ZYG11B: variants seen among roughly 807,000 people sequenced by gnomAD.
ZYG11B encodes protein zyg-11 homolog B.
Under a neutral mutation model 82.4 loss-of-function variants are expected in ZYG11B, and 36 were observed. The observed-to-expected ratio is 0.44, with a 90% CI of 0.33 to 0.58. The LOEUF (loss-of-function observed/expected upper bound fraction) is 0.58, where lower values mean the gene tolerates loss of function less well. ZYG11B is among the 20% of genes least tolerant of loss of function. The pLI is 0.02. For missense variants in ZYG11B, 552 were observed against 895.6 expected (o/e 0.62, Z 4.90); for synonymous variants, 303 against 312.8 (o/e 0.97, Z 0.33).
chr1:52,800,900 G>A (rs941331738), intron 8 of ZYG11B, among the ~76,000 whole-genome samples: 7 of 151,948 alleles, frequency 4.6e-5, no homozygotes, highest in Non-Finnish European at 7.4e-5. Context: ...CCTGAATTGT[G>A]TATAGCCACT....
chr1:52,811,792 A>T (rs796191916), intron 10 of ZYG11B, among the ~76,000 whole-genome samples: 13 of 152,114 alleles, frequency 8.5e-5, no homozygotes, highest in African/African-American at 3.1e-4. Context: ...GCACTTTGGG[A>T]GGCCAAGGCG....
intron 10 of ZYG11B, 139 bp downstream of exon 10, chr1:52,802,278 T>TC (rs1171766911): frequency 6.4e-6 from 4 of 624,708 alleles, no homozygotes; most frequent in Admixed American, 3.2e-5. Context: ...TGAGAACTAT[T>TC]CCCAATACCT....
chr1:52,726,765 C>T (rs1380980793), intron 1 of ZYG11B, 82 bp downstream of exon 1: 8 of 1,346,160 alleles, frequency 5.9e-6, no homozygotes, highest in Middle Eastern at 1.9e-4. Context: ...CGGTCTTGCC[C>T]CTCCCTGTCT....
rs1558127938 is a variant in ZYG11B, at chr1:52,771,058, A to C, written c.235A>C (p.Asn79His). ...NDGTVGIFRG[N>H]QMRLKRACIR... The stretch of plus-strand genomic sequence containing the variant: ...TGGAACTGTGGGTATTTTTAGGGGC[A>C]ACCAGATGCGCTTAAAGCGAGCCTG... The change falls in exon 3 of 14, where the codon AAC (asparagine) becomes CAC (histidine). Residue 79 changes from asparagine (N) to histidine (H), a missense_variant. Transcript: ENST00000294353. This position sits in a 1 kb window ranked among gnomAD's most constrained non-coding sequence, Gnocchi z 5.4. The C allele has an allele frequency of 1.2e-6, 2 of 1,613,914 alleles. No individual in the cohort carries two copies. Among genetic ancestry groups the C allele is most frequent in the Non-Finnish European group, 1.7e-6 (2 of 1,179,828 alleles).
chr1:52,753,471 G>A (rs1043610609), intron 1 of ZYG11B, among the ~76,000 whole-genome samples: 21 of 149,856 alleles, frequency 1.4e-4, no homozygotes, highest in East Asian at 3.9e-4. Context: ...CCAGGCTGGC[G>A]TGCAATGGCG....
intron 10 of ZYG11B, among the ~76,000 whole-genome samples, chr1:52,808,691 C>A (rs1378110641): frequency 1.3e-5 from 2 of 152,090 alleles, no homozygotes; most frequent in Non-Finnish European, 2.9e-5. Flanking sequence ...AATTTTGCAG[C>A]CCTTTTCCCC....
intron 5 of ZYG11B, among the ~76,000 whole-genome samples, chr1:52,789,216 G>A (rs1001809201): frequency 4.6e-5 from 7 of 152,120 alleles, no homozygotes; most frequent in Admixed American, 4.6e-4. Flanking sequence ...TTTTATATCT[G>A]TTTTTCTATT....
In ZYG11B at chr1:52,821,724, A is replaced by G; in HGVS notation, c.*95A>G. On this transcript the variant is annotated 3_prime_UTR_variant, in exon 14 of 14. Transcript: ENST00000294353. The stretch of plus-strand genomic sequence containing the variant: ...CCTCCCTGATGTTTTGGGGGTTTCT[A>G]TGACAAGAGTCATAAAATCAGTTTG... The G allele has an allele frequency of 2.5e-6, 3 of 1,191,740 alleles. No individual in the cohort carries two copies. Among genetic ancestry groups the G allele is most frequent in the Non-Finnish European group, 3.5e-6 (3 of 853,326 alleles). The allele number at this position is 1,191,740 out of a possible 1,614,324, so 73.8% of individuals were successfully genotyped here. A position where few individuals can be genotyped will look rare whatever the true frequency, so the allele number is the denominator to read the frequency against.
intron 1 of ZYG11B, among the ~76,000 whole-genome samples, chr1:52,746,714 T>TTTTTTTTTG (rs1644480681): frequency 1.6e-5 from 2 of 128,572 alleles, no homozygotes; most frequent in Admixed American, 8.1e-5. Context: ...TTTTTTTTTT[T>TTTTTTTTTG]GCGGCTGGAA....
intron 8 of ZYG11B, among the ~76,000 whole-genome samples, chr1:52,801,613 A>G (rs140747669): frequency 0.014 from 2,189 of 152,210 alleles, 33 homozygotes; most frequent in African/African-American, 0.05. Flanking sequence ...TATAGATATG[A>G]TCAGAATAAT....
At chr1:52,756,827 T>TG (rs1391486168) in intron 2 of ZYG11B, among the ~76,000 whole-genome samples, 38 of 150,122 alleles carry the variant, frequency 2.5e-4, no homozygotes, top group African/African-American at 8.1e-4. Context: ...TTTTTTTTTT[T>TG]TTTTTTCCTT....
intron 4 of ZYG11B, among the ~76,000 whole-genome samples, chr1:52,783,084 G>A (rs527244922): frequency 6.6e-6 from 1 of 151,874 alleles, no homozygotes; most frequent in East Asian, 1.9e-4. Flanking sequence ...CTGCCACCAC[G>A]CCCAGCTAAT....
rs1645154836 is a variant in ZYG11B, at chr1:52,808,009, T to C, written c.1696-5527T>C. Among the ~76,000 whole-genome samples, 2 of 152,226 alleles carry C rather than the reference T, an allele frequency of 1.3e-5. 1 individual carries two copies. Among genetic ancestry groups the C allele is most frequent in the South Asian group, 4.1e-4 (2 of 4,834 alleles). On this transcript the variant is annotated intron_variant, in intron 10 of 13. Coordinates refer to ENST00000294353, the MANE Select transcript of ZYG11B (RefSeq NM_024646.3). ...CTTCTTTCTAATGAAAAATCTGATG[T>C]CATCATTATCTTTGTACTTATGTAT...
rs560456264 is a variant in ZYG11B, at chr1:52,773,627, A to ATT, written c.951+1885_951+1886dup. Among the ~76,000 whole-genome samples, 19 of 29,232 alleles carry ATT rather than the reference A, an allele frequency of 6.5e-4. 2 individuals are homozygous for ATT. Among genetic ancestry groups the ATT allele is most frequent in the Middle Eastern group, 0.036 (1 of 28 alleles). The allele number at this position is 29,232 out of a possible 152,430, so 19.2% of individuals were successfully genotyped here. A position where few individuals can be genotyped will look rare whatever the true frequency, so the allele number is the denominator to read the frequency against. ...TATATATATATATATATATATATATATTTTTTTTTTTTTTTTTTTTTTTTT... is the reference window on the plus strand; with the variant it reads ...TATATATATATATATATATATATATATTTTTTTTTTTTTTTTTTTTTTTTTTT... On this transcript the variant is annotated intron_variant, in intron 3 of 13. Coordinates refer to ENST00000294353, the MANE Select transcript of ZYG11B (RefSeq NM_024646.3).
intron 1 of ZYG11B, among the ~76,000 whole-genome samples, chr1:52,729,212 A>G (rs1644309956): frequency 6.6e-6 from 1 of 152,162 alleles, no homozygotes; most frequent in Admixed American, 6.6e-5. Context: ...TAAGGGCACT[A>G]ATCCCATTCA....
At chr1:52,727,438 G>C (rs1406830905) in intron 1 of ZYG11B, among the ~76,000 whole-genome samples, 1 of 152,182 alleles carries the variant, frequency 6.6e-6, no homozygotes, top group Non-Finnish European at 1.5e-5. Context: ...GGGCCAGCAT[G>C]CATACTGTGA....
chr1:52,783,202 C>T (rs1416822333), intron 4 of ZYG11B, among the ~76,000 whole-genome samples: 2 of 152,130 alleles, frequency 1.3e-5, no homozygotes, highest in East Asian at 1.9e-4. Context: ...GCTGGGATTA[C>T]AGGCATGAGC....
intron 2 of ZYG11B, among the ~76,000 whole-genome samples, chr1:52,757,940 A>G (rs1282304905): frequency 2.0e-5 from 3 of 151,276 alleles, no homozygotes; most frequent in African/African-American, 7.3e-5. Context: ...AGTGGCTCAC[A>G]CCTGTAATCC....
At position 52,776,229 on chromosome 1, in the gene ZYG11B, A is replaced by AAATATATATAT; in HGVS notation, c.952-3623_952-3622insATATATATATA. 3.1e-3 allele frequency among the ~76,000 whole-genome samples: 72 copies of AAATATATATAT among 23,538 alleles called. 7 individuals are homozygous for AAATATATATAT. The highest frequency in any genetic ancestry group is 0.027 in the East Asian group (40 of 1,494). The allele number at this position is 23,538 out of a possible 152,430, so 15.4% of individuals were successfully genotyped here. A position where few individuals can be genotyped will look rare whatever the true frequency, so the allele number is the denominator to read the frequency against. Reference sequence around the variant, plus strand: ...AGCAAAACTCTGTCTTAAAAAAAAAAATATATATATATATATGCAATAAAG... The same window carrying AAATATATATAT: ...AGCAAAACTCTGTCTTAAAAAAAAAAAATATATATATATATATATATATATATGCAATAAAG... On this transcript the variant is annotated intron_variant, in intron 3 of 13. Transcript: ENST00000294353.
Sources: gnomAD v4.1 joint callset for allele counts (sites outside exome capture counted in the v4.1 genomes callset) on GRCh38, gnomAD v4.1.1 for gene constraint, Gnocchi (gnomAD v3.1) non-coding constraint, MANE v1.5 for transcripts, NCBI Gene and HGNC (gene_info 2026-07-23, HGNC 2026-07-21) for gene names.